Variants in PCLO observed in about 807,000 individuals in gnomAD.
PCLO encodes the protein piccolo presynaptic cytomatrix protein, also known as protein piccolo.
In PCLO, 82 loss-of-function variants were observed where a neutral mutation model predicts 427.5. That is an observed-to-expected ratio of 0.19 (90% CI 0.16 to 0.23). PCLO has a LOEUF of 0.23. Among genes scored for constraint, PCLO ranks in the 10% least tolerant of loss-of-function variants. The pLI is 1.00. For synonymous variants in PCLO, 2,357 were observed against 2,155.4 expected, an observed-to-expected ratio of 1.09 and a Z score of -2.59; for missense variants, 6,239 against 6,115.9, an observed-to-expected ratio of 1.02 and a Z score of -0.67.
intron 6 of PCLO, among the ~76,000 whole-genome samples, chr7:82,946,943 A>C (rs556362629): frequency 6.6e-6 from 1 of 152,310 alleles, no homozygotes; most frequent in Non-Finnish European, 1.5e-5. Context: ...GCTCTGGTCT[A>C]TGATCCTCAT....
At position 83,032,157 on chromosome 7, in the gene PCLO, ACT is replaced by A. The variant is rs1246948928; in HGVS notation, c.3301-65672_3301-65671del. Among the ~76,000 whole-genome samples the A allele has an allele frequency of 7.9e-5, 12 of 152,108 alleles. No individual in the cohort carries two copies. The East Asian group carries it at 2.3e-3, about 30-fold the overall frequency. The stretch of plus-strand genomic sequence containing the variant: ...CCTGGTATCCCTTTGCCTATCAAAC[ACT>A]CAGTCCTATTCATCTTTCCATCTGG... On this transcript the variant is annotated intron_variant, in intron 3 of 24. Transcript: ENST00000333891.
intron 15 of PCLO, among the ~76,000 whole-genome samples, chr7:82,836,507 CTA>C: frequency 1.3e-5 from 2 of 152,176 alleles, no homozygotes; most frequent in East Asian, 3.9e-4. Flanking sequence ...TACTATGTGA[CTA>C]TTGGTAATCT....
At chr7:82,819,152 A>G (rs1791738009) in intron 20 of PCLO, among the ~76,000 whole-genome samples, 1 of 152,202 alleles carries the variant, frequency 6.6e-6, no homozygotes, top group Admixed American at 6.5e-5. Context: ...CAGAAAAATT[A>G]TACTTTAGAA....
intron 3 of PCLO, among the ~76,000 whole-genome samples, chr7:83,038,043 A>ATCTT (rs1562933077): frequency 2.1e-5 from 1 of 46,716 alleles, no homozygotes; most frequent in African/African-American, 1.7e-4. Context: ...ATATATTTAT[A>ATCTT]TATATATCTT....
chr7:83,127,313 A>C (rs2116588607), intron 3 of PCLO, among the ~76,000 whole-genome samples: 1 of 148,720 alleles, frequency 6.7e-6, no homozygotes, highest in South Asian at 2.1e-4. Context: ...TTTCAAAATA[A>C]ATAATTTTCA....
intron 3 of PCLO, 35 bp downstream of exon 3, chr7:83,134,215 T>G (rs1038873133): frequency 2.0e-6 from 1 of 500,266 alleles, no homozygotes; most frequent in Non-Finnish European, 2.6e-6. Context: ...CACCTCCATA[T>G]GTAATATATA....
chr7:82,989,542 A>G (rs371226562), intron 3 of PCLO, among the ~76,000 whole-genome samples: 1 of 152,300 alleles, frequency 6.6e-6, no homozygotes, highest in East Asian at 1.9e-4. Context: ...CATTCTCAAT[A>G]AAAGAAAAAA....
At chr7:82,978,849 C>CACACAA (rs1796082154) in intron 3 of PCLO, among the ~76,000 whole-genome samples, 1 of 93,308 alleles carries the variant, frequency 1.1e-5, no homozygotes, top group African/African-American at 4.5e-5. Context: ...CACACACACA[C>CACACAA]ACACACAAAC....
Position 82,915,820 on chromosome 7 carries a change from T to C in PCLO, c.12166A>G (p.Thr4056Ala), listed in dbSNP as rs1038457312. 7.4e-6 allele frequency: 12 copies of C among 1,613,328 alleles called. No homozygotes were observed. The highest frequency in any genetic ancestry group is 1.6e-4 in the Middle Eastern group (1 of 6,074). The change falls in exon 7 of 25, where the codon ACC (threonine) becomes GCC (alanine). Residue 4056 changes from threonine to alanine, a missense_variant. By Grantham distance (58) the Thr-to-Ala change is moderately conservative. Around this residue, in one of 5 missense-constraint regions of PCLO, gnomAD observed 680 missense variants for 677.3 expected, o/e 1.00. Coordinates refer to ENST00000333891, the MANE Select transcript of PCLO (RefSeq NM_033026.6). The part of the protein sequence containing the change: ...YVLIDDIGEI[T>A]KGTAALSTAF... ...GTGCTTAATGCCGCTGTTCCTTTGG[T>C]GATCTCTCCAATGTCGTCAATTAGG...
At chr7:82,959,307 G>A (rs1022425377) in intron 4 of PCLO, among the ~76,000 whole-genome samples, 10 of 151,998 alleles carry the variant, frequency 6.6e-5, no homozygotes, top group Admixed American at 3.9e-4. Context: ...CTCGTGATCC[G>A]CCCACCTTGG....
intron 3 of PCLO, among the ~76,000 whole-genome samples, chr7:83,040,748 T>C (rs1788953962): frequency 6.6e-6 from 1 of 152,164 alleles, no homozygotes; most frequent in South Asian, 2.1e-4. Context: ...GATGTCAGTT[T>C]CTTTGGAGAG....
At position 82,955,331 on chromosome 7, in the gene PCLO, C is replaced by T. The variant is rs766095385; in HGVS notation, c.5622G>A (p.Pro1874=). The T allele has an allele frequency of 7.4e-6, 12 of 1,613,268 alleles. No individual in the cohort carries two copies. In the East Asian group the frequency reaches 1.3e-4, roughly 18 times the overall value. Residue 1874 remains proline (P), a synonymous_variant, in exon 5 of 25, where the codon CCG becomes CCA. Transcript: ENST00000333891. ...ESDPEGFEIS[P]EKIIEVQKVY... is the part of the protein sequence containing the mutation. Reference sequence around the variant, plus strand: ...CTTTTTGTACTTCTATTATTTTTTCCGGGCTTATTTCAAAACCTTCTGGGT... The same window carrying T: ...CTTTTTGTACTTCTATTATTTTTTCTGGGCTTATTTCAAAACCTTCTGGGT...
intron 3 of PCLO, among the ~76,000 whole-genome samples, chr7:82,973,846 C>T (rs1562893232): frequency 6.6e-6 from 1 of 152,028 alleles, no homozygotes; most frequent in Non-Finnish European, 1.5e-5. Context: ...AATATGATTT[C>T]ATACTCTTGA....
intron 9 of PCLO, among the ~76,000 whole-genome samples, chr7:82,893,572 T>C (rs1793827139): frequency 6.6e-6 from 1 of 151,652 alleles, no homozygotes; most frequent in Admixed American, 6.6e-5. Flanking sequence ...TAAAGTATAA[T>C]AAATAAAAAT....
chr7:83,088,825 T>C (rs1421402032), intron 3 of PCLO, among the ~76,000 whole-genome samples: 1 of 152,152 alleles, frequency 6.6e-6, no homozygotes, highest in Non-Finnish European at 1.5e-5. Context: ...GCCTCCCTCC[T>C]GAGGCCTCTC....
intron 9 of PCLO, among the ~76,000 whole-genome samples, chr7:82,899,311 G>GT (rs1793983727): frequency 6.6e-6 from 1 of 151,424 alleles, no homozygotes; most frequent in African/African-American, 2.4e-5. Flanking sequence ...AGCCAGGAGT[G>GT]TAAATATTCT....
intron 2 of PCLO, among the ~76,000 whole-genome samples, chr7:83,153,255 T>A (rs562300917): frequency 1.3e-5 from 2 of 151,204 alleles, no homozygotes; most frequent in South Asian, 4.2e-4. Context: ...AAACTACTTA[T>A]AATCTGATTT....
chr7:82,867,099 T>C (rs1204565648), intron 10 of PCLO, among the ~76,000 whole-genome samples: 1 of 152,140 alleles, frequency 6.6e-6, no homozygotes, highest in East Asian at 1.9e-4. Flanking sequence ...ACATCATTAA[T>C]TTTAAAAAAA....
intron 10 of PCLO, among the ~76,000 whole-genome samples, chr7:82,870,009 T>C (rs1370637738): frequency 6.6e-6 from 1 of 152,018 alleles, no homozygotes; most frequent in Non-Finnish European, 1.5e-5. Flanking sequence ...ATGTCCACAC[T>C]ATGCAAAATG....
Sources: gnomAD v4.1 joint callset for allele counts (sites outside exome capture counted in the v4.1 genomes callset) on GRCh38, gnomAD v4.1.1 for gene constraint, gnomAD v4.1.1 regional missense constraint, MANE v1.5 for transcripts, NCBI Gene and HGNC (gene_info 2026-07-23, HGNC 2026-07-21) for gene names.